Variants in ZMAT4 observed in about 807,000 individuals in gnomAD.
The protein encoded by ZMAT4 is zinc finger matrin-type protein 4.
In ZMAT4, 17 loss-of-function variants were observed where a neutral mutation model predicts 28.7. The observed-to-expected ratio is 0.59, with a 90% confidence interval of 0.41 to 0.89. ZMAT4 has a LOEUF of 0.89. ZMAT4 is among the 40% of genes least tolerant of loss of function. The pLI is 0.00. For missense variants in ZMAT4, 240 were observed against 283.8 expected (o/e 0.85, Z 1.11); for synonymous variants, 117 against 109.2 (o/e 1.07, Z -0.44).
chr8:40,607,510 T>C (rs1460868377), intron 5 of ZMAT4, among the ~76,000 whole-genome samples: 2 of 152,186 alleles, frequency 1.3e-5, no homozygotes, highest in African/African-American at 4.8e-5. Context: ...ATCTTAATAA[T>C]TGACCTTCTG....
In ZMAT4 at chr8:40,662,740, T is replaced by A. The variant is rs148387604; in HGVS notation, c.577+11964A>T. Among the ~76,000 whole-genome samples the A allele has an allele frequency of 2.6e-5, 4 of 152,312 alleles. No individual in the cohort carries two copies. The East Asian group carries it at 7.7e-4, about 29-fold the overall frequency. ...ACAGAAATCTAAATTATTACTCATG[T>A]TACTCATTACATTTCTGTTTTTCCT... On this transcript the variant is annotated intron_variant, in intron 5 of 6. Transcript: ENST00000297737.
intron 3 of ZMAT4, among the ~76,000 whole-genome samples, chr8:40,710,771 A>G (rs1810576817): frequency 6.7e-6 from 1 of 149,430 alleles, no homozygotes; most frequent in Non-Finnish European, 1.5e-5. Context: ...TTGGATCTTT[A>G]AAAAGATCAA....
At chr8:40,613,180 C>CTTTT (rs34687121) in intron 5 of ZMAT4, among the ~76,000 whole-genome samples, 102 of 79,988 alleles carry the variant, frequency 1.3e-3, no homozygotes, top group Admixed American at 3.0e-3. Context: ...TACTTTCTTT[C>CTTTT]TTTTTTTTTT....
chr8:40,863,665 G>A (rs1234714412), intron 1 of ZMAT4, among the ~76,000 whole-genome samples: 2 of 152,202 alleles, frequency 1.3e-5, no homozygotes, highest in African/African-American at 2.4e-5. Context: ...CTCATAGCAA[G>A]ATCTAGACAA....
intron 5 of ZMAT4, among the ~76,000 whole-genome samples, chr8:40,583,115 C>A (rs1188169156): frequency 6.6e-6 from 1 of 152,126 alleles, no homozygotes; most frequent in African/African-American, 2.4e-5. Flanking sequence ...GGAGTTCTCC[C>A]TCACCTTAAG....
chr8:40,858,106 C>G (rs927540561), intron 1 of ZMAT4, among the ~76,000 whole-genome samples: 2 of 152,128 alleles, frequency 1.3e-5, no homozygotes, highest in Non-Finnish European at 1.5e-5. Context: ...TCACTGAGCT[C>G]TACACTTAAG....
intron 3 of ZMAT4, among the ~76,000 whole-genome samples, chr8:40,740,889 C>T (rs1811971473): frequency 6.6e-6 from 1 of 151,998 alleles, no homozygotes; most frequent in Non-Finnish European, 1.5e-5. Context: ...ATTTTCATTT[C>T]CTCCCTCTAA....
At chr8:40,624,274 C>T (rs1056492746) in intron 5 of ZMAT4, among the ~76,000 whole-genome samples, 1 of 152,224 alleles carries the variant, frequency 6.6e-6, no homozygotes, top group Admixed American at 6.5e-5. Context: ...CTCTCTCACT[C>T]TCTCTGCACA....
At chr8:40,667,688 G>A (rs990763620) in intron 5 of ZMAT4, among the ~76,000 whole-genome samples, 2 of 152,044 alleles carry the variant, frequency 1.3e-5, no homozygotes, top group Non-Finnish European at 2.9e-5. Context: ...AGTGTAACTC[G>A]TGATGCTGGA....
chr8:40,602,655 C>T (rs1805439611), intron 5 of ZMAT4, among the ~76,000 whole-genome samples: 2 of 151,962 alleles, frequency 1.3e-5, no homozygotes, highest in Non-Finnish European at 2.9e-5. Context: ...TGTTTTTTGG[C>T]CATTTTTATG....
chr8:40,755,952 C>G (rs1015491055), intron 3 of ZMAT4, among the ~76,000 whole-genome samples: 7 of 152,198 alleles, frequency 4.6e-5, no homozygotes, highest in African/African-American at 1.7e-4. Context: ...TATTGATTTT[C>G]TAATTGCCCT....
At chr8:40,833,773 A>G (rs761151602) in intron 1 of ZMAT4, among the ~76,000 whole-genome samples, 11 of 152,146 alleles carry the variant, frequency 7.2e-5, no homozygotes, top group Non-Finnish European at 1.6e-4. Flanking sequence ...GTACACAGCC[A>G]GCTTGAAGGA....
intron 2 of ZMAT4, among the ~76,000 whole-genome samples, chr8:40,801,349 A>ATATATATATATATATATATATATATATAT (rs1334146524): frequency 2.1e-4 from 10 of 48,748 alleles, no homozygotes; most frequent in African/African-American, 7.5e-4. Context: ...TTTAAAAAAA[A>ATATATATATATATATATATATATATATAT]AAATATATAT....
chr8:40,531,582 A>G lies in ZMAT4; in HGVS notation c.*641T>C, dbSNP rs887340739. ...GCAACTTGCAAGGAGGACTTGGCTT[A>G]ACCTTGAGAAACTGTTCTTTGAATG... On this transcript the variant is annotated 3_prime_UTR_variant, in exon 7 of 7. Transcript: ENST00000297737. 6.6e-6 allele frequency: 1 copy of G among 152,634 alleles called. No individual in the cohort carries two copies. The highest frequency in any genetic ancestry group is 1.5e-5 in the Non-Finnish European group (1 of 68,042). 9.5% of individuals were successfully genotyped at this position (152,634 alleles called of 1,614,324 possible).
At chr8:40,820,599 G>A (rs1815735946) in intron 2 of ZMAT4, among the ~76,000 whole-genome samples, 2 of 87,112 alleles carry the variant, frequency 2.3e-5, no homozygotes, top group Admixed American at 1.1e-4. Context: ...TCTGTATGTG[G>A]GAGTGCATGT....
At chr8:40,648,835 G>A (rs909665851) in intron 5 of ZMAT4, among the ~76,000 whole-genome samples, 4 of 128,108 alleles carry the variant, frequency 3.1e-5, no homozygotes, top group African/African-American at 1.1e-4. Context: ...AGCTTCATAA[G>A]TGAAGGAGAA....
intron 3 of ZMAT4, among the ~76,000 whole-genome samples, chr8:40,728,624 G>A (rs1811404866): frequency 6.6e-6 from 1 of 152,162 alleles, no homozygotes; most frequent in South Asian, 2.1e-4. Flanking sequence ...AATTGCCTCT[G>A]GTTGAGAACC....
At chr8:40,571,460 T>C (rs1804095640) in intron 6 of ZMAT4, among the ~76,000 whole-genome samples, 1 of 152,176 alleles carries the variant, frequency 6.6e-6, no homozygotes, top group Non-Finnish European at 1.5e-5. Flanking sequence ...GCCTTCCTCA[T>C]AGAATGGAGG....
chr8:40,557,013 A>ATTC lies in ZMAT4; in HGVS notation c.674+24151_674+24152insGAA, dbSNP rs569741608. ...ACCTACAAACTCTTCTCAGACACTG[A>ATTC]TACCTATCATTCTACCCTCTACCTC... On this transcript the variant is annotated intron_variant, in intron 6 of 6. Transcript: ENST00000297737. 5.3e-5 allele frequency among the ~76,000 whole-genome samples: 8 copies of ATTC among 152,262 alleles called. No homozygotes were observed. In the East Asian group the frequency reaches 1.5e-3, roughly 29 times the overall value.
Sources: gnomAD v4.1 joint callset for allele counts (sites outside exome capture counted in the v4.1 genomes callset) on GRCh38, gnomAD v4.1.1 for gene constraint, MANE v1.5 for transcripts, NCBI Gene and HGNC (gene_info 2026-07-23, HGNC 2026-07-21) for gene names.